The following ZNF638 variants were observed in gnomAD, a reference collection of about 807,000 sequenced individuals.
ZNF638 encodes CTCL tumor antigen se33-1.
A neutral mutation model predicts 195.6 loss-of-function variants in ZNF638; 46 were observed. The ratio of observed to expected loss-of-function variants is 0.24; its 90% CI spans 0.19 to 0.30. The LOEUF (loss-of-function observed/expected upper bound fraction) is 0.30, where lower values mean the gene tolerates loss of function less well. Ranked by LOEUF, ZNF638 falls within the 10% of genes least tolerant of loss-of-function variation. The pLI is 1.00. For synonymous variants in ZNF638, 845 were observed against 772.0 expected (o/e 1.09, Z -1.57); for missense variants, 2,440 against 2,325.3 (o/e 1.05, Z -1.01).
chr2:71,372,706 T>C (rs534506249), intron 8 of ZNF638, among the ~76,000 whole-genome samples: 3 of 152,242 alleles, frequency 2.0e-5, no homozygotes, highest in Admixed American at 2.0e-4. Context: ...CAGTGTAGGG[T>C]TCTATTCTAC....
chr2:71,391,380 T>A (rs1423347886), intron 10 of ZNF638, among the ~76,000 whole-genome samples: 2 of 152,224 alleles, frequency 1.3e-5, no homozygotes, highest in African/African-American at 4.8e-5. Context: ...GCCAATTTCA[T>A]TGGAAAGTAC....
At position 71,427,254 on chromosome 2, in the gene ZNF638, A is replaced by ACAAAGCAAAAATGACCATCCCC; in HGVS notation, c.5406_5407insCCAAAGCAAAAATGACCATCCC (p.Thr1803ProfsTer5). 1 of 1,613,694 alleles carries ACAAAGCAAAAATGACCATCCCC rather than the reference A, an allele frequency of 6.2e-7. No individual in the cohort carries two copies. The highest frequency in any genetic ancestry group is 8.5e-7 in the Non-Finnish European group (1 of 1,179,950). Reference sequence around the variant, plus strand: ...ATAATGATTTAAAAGTTGAGTTAGCACAAAGCAAAAATGACCATCCCACAG... The same window carrying ACAAAGCAAAAATGACCATCCCC: ...ATAATGATTTAAAAGTTGAGTTAGCACAAAGCAAAAATGACCATCCCCCAAAGCAAAAATGACCATCCCACAG... On this transcript the variant is annotated frameshift_variant, in exon 24 of 28. Coordinates refer to ENST00000264447, the MANE Select transcript of ZNF638 (RefSeq NM_014497.5). LOFTEE classifies it high-confidence loss of function.
intron 22 of ZNF638, among the ~76,000 whole-genome samples, 183 bp from the exon 23 acceptor site, chr2:71,424,467 C>G (rs7593986): frequency 0.53 from 79,762 of 151,918 alleles, 22,374 homozygotes; most frequent in African/African-American, 0.73. Flanking sequence ...ACAACTTGTA[C>G]AGACTGTGCC....
intron 8 of ZNF638, among the ~76,000 whole-genome samples, chr2:71,378,166 A>G (rs1040686297): frequency 6.6e-6 from 1 of 152,246 alleles, no homozygotes; most frequent in East Asian, 1.9e-4. Context: ...TATAAAATAA[A>G]TTTCAAAAAA....
At chr2:71,376,101 T>C (rs960453786) in intron 8 of ZNF638, 1 of 152,190 alleles carries the variant, frequency 6.6e-6, no homozygotes, top group Non-Finnish European at 1.5e-5. Context: ...TTTGATGAAG[T>C]TGGTAAAGTA....
Position 71,331,949 on chromosome 2 carries a change from C to T in ZNF638, c.-203+74C>T, listed in dbSNP as rs908401160. ...GTATCGTGGGGGTCCTGAGCCCTTC[C>T]TGTGAGATCCGGGCCGACTATTGTA... On this transcript the variant is annotated intron_variant, in intron 1 of 27. Transcript: ENST00000264447. 6.1e-6 allele frequency: 6 copies of T among 983,424 alleles called. No homozygotes were observed. In the East Asian group the frequency reaches 3.4e-4, roughly 56 times the overall value. The allele number at this position is 983,424 out of a possible 1,614,324, so 60.9% of individuals were successfully genotyped here.
chr2:71,367,750 T>A (rs58029546), intron 6 of ZNF638, among the ~76,000 whole-genome samples: 13 of 120,308 alleles, frequency 1.1e-4, no homozygotes, highest in African/African-American at 4.4e-4. Flanking sequence ...TTTTTTTTTT[T>A]TAAAAATATA....
chr2:71,364,166 G>C lies in ZNF638; in HGVS notation c.1631G>C (p.Arg544Pro), dbSNP rs142061376. The C allele has an allele frequency of 6.2e-6, 10 of 1,614,130 alleles. No homozygotes were observed. The East Asian group carries it at 1.6e-4, about 25-fold the overall frequency. Reference sequence around the variant, plus strand: ...AGATCCAGATCCCGTTCACCATATCGAATTAGAAATCCATTTAGAGGTAGT... The same window carrying C: ...AGATCCAGATCCCGTTCACCATATCCAATTAGAAATCCATTTAGAGGTAGT... ...RSRSRSRSPY[R>P]IRNPFRGSPK... The change falls in exon 5 of 28, where the codon CGA becomes CCA. Residue 544 changes from arginine (R) to proline (P), a missense_variant. Around this residue, in one of 5 missense-constraint regions of ZNF638, gnomAD observed 1,883 missense variants for 1,739.1 expected, o/e 1.08. Coordinates refer to ENST00000264447, the MANE Select transcript of ZNF638 (RefSeq NM_014497.5).
intron 3 of ZNF638, among the ~76,000 whole-genome samples, chr2:71,359,733 A>G (rs1339361062): frequency 1.3e-5 from 2 of 152,170 alleles, no homozygotes; most frequent in Non-Finnish European, 2.9e-5. Flanking sequence ...GGTGCTTGGG[A>G]TCTGCATTCT....
Position 71,426,906 on chromosome 2 carries a change from C to T in ZNF638, c.5037C>T (p.Arg1679=), listed in dbSNP as rs769682292. The change falls in exon 24 of 28, where the codon CGC becomes CGT. Residue 1679 remains arginine, a synonymous_variant. Coordinates refer to ENST00000264447, the MANE Select transcript of ZNF638 (RefSeq NM_014497.5). ...AACAAGATCTCCTCAAACAGGAACG[C>T]TTGGTAACTGTGGATGAAATTGGAG... ...AEEQDLLKQE[R]LVTVDEIGEV... 3 of 1,614,010 alleles carry T rather than the reference C, an allele frequency of 1.9e-6. No individual in the cohort carries two copies. Among genetic ancestry groups the T allele is most frequent in the Non-Finnish European group, 2.5e-6 (3 of 1,180,006 alleles).
intron 12 of ZNF638, among the ~76,000 whole-genome samples, chr2:71,399,306 T>A (rs1484809100): frequency 6.6e-6 from 1 of 152,182 alleles, no homozygotes; most frequent in Non-Finnish European, 1.5e-5. Flanking sequence ...TGTGTGTGAT[T>A]ACAATGTTGG....
chr2:71,356,794 AT>A (rs972567815), intron 3 of ZNF638, among the ~76,000 whole-genome samples: 99 of 146,506 alleles, frequency 6.8e-4, no homozygotes, highest in African/African-American at 2.1e-3. Context: ...AAAAAAAAAA[AT>A]TTTTTTTTTT....
intron 19 of ZNF638, chr2:71,407,308 C>T (rs1359620963): frequency 1.3e-5 from 2 of 152,110 alleles, no homozygotes; most frequent in African/African-American, 2.4e-5. Context: ...ACAGATGGCA[C>T]ATAGGAATTC....
chr2:71,428,448 C>T (rs1438198229), intron 24 of ZNF638, 99 bp from the exon 25 acceptor site: 4 of 1,089,116 alleles, frequency 3.7e-6, no homozygotes, highest in Non-Finnish European at 5.1e-6. Flanking sequence ...GTATTTTTTG[C>T]AAAAATGTAT....
At chr2:71,403,658 A>G (rs186965945) in intron 16 of ZNF638, among the ~76,000 whole-genome samples, 54 of 152,142 alleles carry the variant, frequency 3.5e-4, no homozygotes, top group Middle Eastern at 3.4e-3. Context: ...TAGTATAGTA[A>G]GTTTATTCAT....
intron 21 of ZNF638, among the ~76,000 whole-genome samples, chr2:71,421,308 A>AT (rs1558882223): frequency 6.6e-6 from 1 of 152,050 alleles, no homozygotes; most frequent in East Asian, 1.9e-4. Flanking sequence ...AATTGTAAAG[A>AT]TTTGAAACTC....
At chr2:71,434,635 T>A in intron 27 of ZNF638, 107 bp from the exon 28 acceptor site, 1 of 906,714 alleles carries the variant, frequency 1.1e-6, no homozygotes, top group Non-Finnish European at 1.7e-6. Context: ...TTTATAATAT[T>A]TTGTAGGATC....
At chr2:71,411,623 C>A (rs1253883740) in intron 20 of ZNF638, among the ~76,000 whole-genome samples, 1 of 109,544 alleles carries the variant, frequency 9.1e-6, no homozygotes, top group Non-Finnish European at 1.8e-5. Flanking sequence ...TATCCCTCCC[C>A]CCTCCCCTGA....
Position 71,350,155 on chromosome 2 carries a change from G to A in ZNF638, c.1201G>A (p.Ala401Thr), listed in dbSNP as rs192912662. ...SWLPKFSHADAQKMKRLPTPS... is the reference protein window; with the variant it reads ...SWLPKFSHADTQKMKRLPTPS... Reference sequence around the variant, plus strand: ...GCTACCAAAGTTTTCACATGCTGATGCCCAGAAGATGAAGAGACTTCCAAC... The same window carrying A: ...GCTACCAAAGTTTTCACATGCTGATACCCAGAAGATGAAGAGACTTCCAAC... The change falls in exon 2 of 28, where the codon GCC becomes ACC. Residue 401 changes from alanine to threonine, a missense_variant. Physicochemically the swap from Ala to Thr is moderately conservative, Grantham distance 58. This residue lies in a region of ZNF638 where 305 missense variants were observed against 283.6 expected (regional missense o/e 1.08). Coordinates refer to ENST00000264447, the MANE Select transcript of ZNF638 (RefSeq NM_014497.5). The A allele has an allele frequency of 6.2e-7, 1 of 1,613,650 alleles. No homozygotes were observed. The highest frequency in any genetic ancestry group is 8.5e-7 in the Non-Finnish European group (1 of 1,180,020).
Sources: allele counts gnomAD v4.1 joint callset (sites outside exome capture counted in the v4.1 genomes callset), GRCh38; gene constraint gnomAD v4.1.1; regional missense constraint gnomAD v4.1.1; transcripts MANE v1.5; gene names NCBI Gene and HGNC (gene_info 2026-07-23, HGNC 2026-07-21).